Variants in ERC2 observed in about 807,000 individuals in gnomAD.
ERC2 encodes the protein ELKS/RAB6-interacting/CAST family member 2, also known as ERC protein 2.
ERC2 carries 42 observed loss-of-function variants against 114.8 expected under a neutral mutation model. The ratio of observed to expected loss-of-function variants is 0.37; its 90% CI spans 0.29 to 0.47. The LOEUF (loss-of-function observed/expected upper bound fraction) is 0.47, where lower values mean the gene tolerates loss of function less well. Among genes scored for constraint, ERC2 ranks in the 20% least tolerant of loss-of-function variants. ERC2 has a pLI of 0.99. For synonymous variants in ERC2, 454 were observed against 425.5 expected (o/e 1.07, Z -0.82); for missense variants, 939 against 1,150.7 (o/e 0.82, Z 2.66).
At chr3:55,892,556 T>TA (rs113301650) in intron 13 of ERC2, among the ~76,000 whole-genome samples, 5 of 152,302 alleles carry the variant, frequency 3.3e-5, no homozygotes, top group African/African-American at 4.8e-5. Flanking sequence ...ATATTCATTG[T>TA]AAAAAATATG....
intron 14 of ERC2, among the ~76,000 whole-genome samples, chr3:55,810,808 T>C (rs970859282): frequency 2.4e-4 from 36 of 152,194 alleles, no homozygotes; most frequent in Non-Finnish European, 2.9e-5. Flanking sequence ...GATACCTTAA[T>C]GGGTATATTG....
At chr3:56,212,607 T>C (rs1345214686) in intron 3 of ERC2, among the ~76,000 whole-genome samples, 1 of 152,194 alleles carries the variant, frequency 6.6e-6, no homozygotes, top group African/African-American at 2.4e-5. Flanking sequence ...CTCCTGGGTA[T>C]CTACCCAGAG....
At chr3:56,456,237 T>C (rs2063056434) in intron 1 of ERC2, among the ~76,000 whole-genome samples, 1 of 152,252 alleles carries the variant, frequency 6.6e-6, no homozygotes, top group Non-Finnish European at 1.5e-5. Context: ...TATTTTGCTT[T>C]GATTTCTCGT....
chr3:56,089,344 C>G (rs1467932844), intron 6 of ERC2, among the ~76,000 whole-genome samples: 1 of 152,098 alleles, frequency 6.6e-6, no homozygotes, highest in Non-Finnish European at 1.5e-5. Context: ...AGAAATGTTG[C>G]ACAGGCATGT....
At chr3:55,684,782 T>G (rs1397192503) in intron 16 of ERC2, among the ~76,000 whole-genome samples, 1 of 152,238 alleles carries the variant, frequency 6.6e-6, no homozygotes, top group African/African-American at 2.4e-5. Flanking sequence ...TGAACAATTC[T>G]CACAGTTTAC....
At chr3:55,578,785 G>T (rs183514258) in intron 17 of ERC2, among the ~76,000 whole-genome samples, 8 of 152,220 alleles carry the variant, frequency 5.3e-5, no homozygotes, top group Admixed American at 5.2e-4. Flanking sequence ...ATCTTGGCAG[G>T]GCTCTTTCAC....
At chr3:55,812,562 G>A in intron 14 of ERC2, among the ~76,000 whole-genome samples, 1 of 152,164 alleles carries the variant, frequency 6.6e-6, no homozygotes, top group East Asian at 1.9e-4. Context: ...AATCCACAGG[G>A]CACCCAACTA....
At chr3:56,184,105 T>C (rs1364301657) in intron 3 of ERC2, among the ~76,000 whole-genome samples, 2 of 152,182 alleles carry the variant, frequency 1.3e-5, no homozygotes, top group Non-Finnish European at 2.9e-5. Context: ...TTTGTCTTAA[T>C]GGATAATGTG....
chr3:56,127,029 T>G (rs891538416), intron 6 of ERC2, among the ~76,000 whole-genome samples: 1 of 152,036 alleles, frequency 6.6e-6, no homozygotes, highest in Non-Finnish European at 1.5e-5. Flanking sequence ...TATAGGCTAA[T>G]GGAGAACTAT....
chr3:55,746,939 G>C (rs756801975), intron 14 of ERC2, among the ~76,000 whole-genome samples: 1 of 152,226 alleles, frequency 6.6e-6, no homozygotes, highest in Non-Finnish European at 1.5e-5. Flanking sequence ...GATGCTCAAA[G>C]ATGCAATTCT....
At chr3:56,149,761 C>A (rs2081321637) in intron 4 of ERC2, among the ~76,000 whole-genome samples, 1 of 152,098 alleles carries the variant, frequency 6.6e-6, no homozygotes, top group Non-Finnish European at 1.5e-5. Flanking sequence ...GGCGAGCAGT[C>A]AGGTCCCTAC....
At chr3:55,813,518 T>C (rs992220443) in intron 14 of ERC2, among the ~76,000 whole-genome samples, 2 of 152,300 alleles carry the variant, frequency 1.3e-5, no homozygotes, top group South Asian at 2.1e-4. Flanking sequence ...TGCTTCTCAG[T>C]GATCTTCACA....
chr3:55,973,100 G>T (rs2069299034), intron 12 of ERC2, among the ~76,000 whole-genome samples: 1 of 152,146 alleles, frequency 6.6e-6, no homozygotes, highest in Admixed American at 6.5e-5. Flanking sequence ...CGAGGAGGAG[G>T]GAACAGGGGC....
intron 15 of ERC2, among the ~76,000 whole-genome samples, chr3:55,710,360 C>A (rs186583259): frequency 6.2e-4 from 94 of 152,226 alleles, no homozygotes; most frequent in Non-Finnish European, 1.2e-3. Context: ...ACTTACCCCC[C>A]CAAAGAAGAG....
At chr3:56,004,298 G>C (rs571255074) in intron 10 of ERC2, among the ~76,000 whole-genome samples, 1 of 151,958 alleles carries the variant, frequency 6.6e-6, no homozygotes, top group Non-Finnish European at 1.5e-5. Context: ...ACTTAAGATG[G>C]ATGAATGCGC....
intron 1 of ERC2, among the ~76,000 whole-genome samples, chr3:56,438,114 G>T (rs1414281605): frequency 6.6e-6 from 1 of 152,066 alleles, no homozygotes; most frequent in African/African-American, 2.4e-5. Context: ...CATAGAAATT[G>T]ACCTCCCAGT....
At chr3:56,060,168 T>C (rs1305957702) in intron 7 of ERC2, among the ~76,000 whole-genome samples, 1 of 152,244 alleles carries the variant, frequency 6.6e-6, no homozygotes, top group East Asian at 1.9e-4. Flanking sequence ...GTACATTTAA[T>C]ATGTTTGCTC....
intron 7 of ERC2, among the ~76,000 whole-genome samples, chr3:56,038,344 A>G (rs1243239857): frequency 6.6e-6 from 1 of 152,188 alleles, no homozygotes; most frequent in Non-Finnish European, 1.5e-5. Flanking sequence ...GCTCAACATC[A>G]CTTATCATTA....
At chr3:55,640,740 T>C (rs2060142920) in intron 17 of ERC2, among the ~76,000 whole-genome samples, 1 of 152,224 alleles carries the variant, frequency 6.6e-6, no homozygotes, top group African/African-American at 2.4e-5. Flanking sequence ...GTAGCTCAGC[T>C]ACCCCTCTAG....
Sources: gnomAD v4.1 joint callset for allele counts (sites outside exome capture counted in the v4.1 genomes callset) on GRCh38, gnomAD v4.1.1 for gene constraint, MANE v1.5 for transcripts, NCBI Gene and HGNC (gene_info 2026-07-23, HGNC 2026-07-21) for gene names.